NRXN3: variants seen among roughly 807,000 people sequenced by gnomAD.
NRXN3 encodes neurexin III.
Under a neutral mutation model 137.6 loss-of-function variants are expected in NRXN3, and 32 were observed. That is an observed-to-expected ratio of 0.23 (90% CI 0.18 to 0.31). The LOEUF (loss-of-function observed/expected upper bound fraction) is 0.31, where lower values mean the gene tolerates loss of function less well. NRXN3 is among the 10% of genes least tolerant of loss of function. NRXN3 has a pLI of 1.00. For missense variants in NRXN3, 1,574 were observed against 2,062.5 expected, an observed-to-expected ratio of 0.76 and a Z score of 4.59; for synonymous variants, 798 against 784.5, an observed-to-expected ratio of 1.02 and a Z score of -0.29.
intron 15 of NRXN3, among the ~76,000 whole-genome samples, chr14:79,063,986 T>A (rs760602176): frequency 1.3e-5 from 2 of 152,232 alleles, no homozygotes; most frequent in East Asian, 3.8e-4. Context: ...AAAACAAGTA[T>A]GTGTGAAGAA....
At chr14:79,139,658 C>T (rs1038730402) in intron 15 of NRXN3, among the ~76,000 whole-genome samples, 1 of 152,006 alleles carries the variant, frequency 6.6e-6, no homozygotes, top group South Asian at 2.1e-4. Flanking sequence ...GATAATGTTG[C>T]AACTTTCACA....
chr14:78,443,973 C>T (rs1335579567), intron 4 of NRXN3, among the ~76,000 whole-genome samples: 1 of 152,134 alleles, frequency 6.6e-6, no homozygotes, highest in African/African-American at 2.4e-5. Flanking sequence ...ATGACTTTTT[C>T]ACCAACCTAA....
intron 8 of NRXN3, among the ~76,000 whole-genome samples, chr14:78,800,364 C>T (rs543804474): frequency 5.8e-4 from 88 of 152,302 alleles, no homozygotes; most frequent in Middle Eastern, 3.4e-3. Context: ...CTAGAAAGCA[C>T]CAGGCGAATA....
intron 15 of NRXN3, among the ~76,000 whole-genome samples, chr14:79,403,063 G>T (rs955302849): frequency 2.0e-5 from 3 of 152,112 alleles, no homozygotes; most frequent in East Asian, 1.9e-4. Flanking sequence ...CTTTTGGGGG[G>T]TGAATGCCAT....
intron 4 of NRXN3, among the ~76,000 whole-genome samples, chr14:78,401,226 G>A (rs987887438): frequency 2.0e-5 from 3 of 152,066 alleles, no homozygotes; most frequent in Admixed American, 1.3e-4. Context: ...GTGCAATAGC[G>A]TGATCTTGGC....
chr14:79,609,417 T>C (rs2098070011), intron 16 of NRXN3, among the ~76,000 whole-genome samples: 1 of 152,180 alleles, frequency 6.6e-6, no homozygotes, highest in African/African-American at 2.4e-5. Flanking sequence ...GAGTAGAAGT[T>C]TGGAGAATAA....
At chr14:79,776,598 C>A (rs2099097889) in intron 19 of NRXN3, among the ~76,000 whole-genome samples, 1 of 152,158 alleles carries the variant, frequency 6.6e-6, no homozygotes, top group Non-Finnish European at 1.5e-5. Flanking sequence ...ATAGTTAATG[C>A]ACTTCTCTGA....
chr14:78,894,883 G>GAA (rs561567362), intron 10 of NRXN3, among the ~76,000 whole-genome samples: 6 of 134,970 alleles, frequency 4.4e-5, no homozygotes, highest in African/African-American at 1.6e-4. Flanking sequence ...GTAACATTTT[G>GAA]AAAAAAAAAA....
At chr14:78,244,565 T>C (rs1418305916) in intron 2 of NRXN3, among the ~76,000 whole-genome samples, 1 of 152,154 alleles carries the variant, frequency 6.6e-6, no homozygotes, top group African/African-American at 2.4e-5. Context: ...ACATAAAGAA[T>C]GCCTGTGCAA....
intron 15 of NRXN3, among the ~76,000 whole-genome samples, chr14:79,377,916 C>G (rs1484088274): frequency 6.6e-6 from 1 of 152,126 alleles, no homozygotes; most frequent in African/African-American, 2.4e-5. Context: ...GCTGGGATAT[C>G]AGTTATACAG....
chr14:79,149,732 T>C (rs1219088258), intron 15 of NRXN3, among the ~76,000 whole-genome samples: 1 of 152,010 alleles, frequency 6.6e-6, no homozygotes, highest in East Asian at 1.9e-4. Context: ...TGGAAGCCAT[T>C]ATCCTCAGCA....
intron 15 of NRXN3, among the ~76,000 whole-genome samples, chr14:79,420,277 G>T (rs539385462): frequency 6.6e-5 from 10 of 152,150 alleles, no homozygotes; most frequent in African/African-American, 2.4e-4. Context: ...AAATTTCCAA[G>T]AACATGTAAA....
Position 79,135,189 on chromosome 14 carries a change from A to G in NRXN3, c.3262+147048A>G, listed in dbSNP as rs547775156. Among the ~76,000 whole-genome samples, 18 of 152,292 alleles carry G rather than the reference A, an allele frequency of 1.2e-4. No individual in the cohort carries two copies. In the South Asian group the frequency reaches 3.5e-3, roughly 30 times the overall value. ...TCATAGTTATTCAAAGGATCTGTTTATTTGTATGTGGCATGATGGTGTGTG... is the reference window on the plus strand; with the variant it reads ...TCATAGTTATTCAAAGGATCTGTTTGTTTGTATGTGGCATGATGGTGTGTG... On this transcript the variant is annotated intron_variant, in intron 15 of 20. Coordinates refer to ENST00000335750, the MANE Select transcript of NRXN3 (RefSeq NM_001330195.2).
intron 17 of NRXN3, among the ~76,000 whole-genome samples, chr14:79,673,687 T>C (rs2098624558): frequency 2.0e-5 from 3 of 152,110 alleles, no homozygotes. Flanking sequence ...TATATGTGAA[T>C]TCATACTAGG....
rs530663336 is a variant in NRXN3 at position 78,408,542 on chromosome 14, C to G, written c.757+110682C>G. The stretch of plus-strand genomic sequence containing the variant: ...GTCATTTACCTTGCAACAAATTTTC[C>G]TTTACAATATCTTTACTCAGGGTGC... On this transcript the variant is annotated intron_variant, in intron 4 of 20. Transcript: ENST00000335750. Among the ~76,000 whole-genome samples, 61 of 152,284 alleles carry G rather than the reference C, an allele frequency of 4.0e-4. 1 individual carries two copies. In the South Asian group the frequency reaches 0.012, roughly 31 times the overall value.
intron 4 of NRXN3, among the ~76,000 whole-genome samples, chr14:78,632,170 T>C (rs937630436): frequency 4.0e-5 from 6 of 151,808 alleles, no homozygotes; most frequent in African/African-American, 1.2e-4. Flanking sequence ...ATTAAGATAA[T>C]TTTAGCATTT....
chr14:79,444,419 G>A (rs940574566), intron 15 of NRXN3, among the ~76,000 whole-genome samples: 2 of 152,092 alleles, frequency 1.3e-5, no homozygotes, highest in East Asian at 1.9e-4. Context: ...GATTTGTCGC[G>A]CTCCCCTTGG....
At chr14:79,646,039 C>T (rs1012056516) in intron 16 of NRXN3, among the ~76,000 whole-genome samples, 5 of 135,936 alleles carry the variant, frequency 3.7e-5, no homozygotes, top group African/African-American at 1.2e-4. Context: ...CTGTTAAGAG[C>T]ACTGATTTCT....
chr14:78,766,023 C>T (rs2098707848), intron 8 of NRXN3, among the ~76,000 whole-genome samples: 1 of 152,204 alleles, frequency 6.6e-6, no homozygotes, highest in Non-Finnish European at 1.5e-5. Context: ...TGCAGAAGCC[C>T]AGCACCTAGC....
Sources: gnomAD v4.1 joint callset for allele counts (sites outside exome capture counted in the v4.1 genomes callset) on GRCh38, gnomAD v4.1.1 for gene constraint, MANE v1.5 for transcripts, NCBI Gene and HGNC (gene_info 2026-07-23, HGNC 2026-07-21) for gene names.